ERI1: variants seen among roughly 807,000 people sequenced by gnomAD.
ERI1 encodes the protein 3'-5' exoribonuclease 1.
In ERI1, 39 loss-of-function variants were observed where a neutral mutation model predicts 39.7. That is an observed-to-expected ratio of 0.98 (90% confidence interval 0.76 to 1.28). The LOEUF (loss-of-function observed/expected upper bound fraction) is 1.28, where lower values mean the gene tolerates loss of function less well. Among genes scored for constraint, ERI1 ranks in the 50% most tolerant of loss-of-function variants. ERI1 has a pLI of 0.00. For synonymous variants in ERI1, 204 were observed against 149.6 expected (o/e 1.36, Z -2.65); for missense variants, 581 against 416.9 (o/e 1.39, Z -3.43).
chr8:9,008,304 AC>A (rs2117185838), intron 2 of ERI1, among the ~76,000 whole-genome samples, 156 bp downstream of exon 2: 1 of 152,192 alleles, frequency 6.6e-6, no homozygotes, highest in Admixed American at 6.5e-5. Context: ...TTTATGTGCA[AC>A]TCTGATTATT....
intron 3 of ERI1, among the ~76,000 whole-genome samples, chr8:9,039,983 A>T (rs1208954278): frequency 6.6e-6 from 1 of 152,192 alleles, no homozygotes; most frequent in Admixed American, 6.5e-5. Flanking sequence ...TCCAAGTACA[A>T]TTAAAATATT....
At chr8:9,091,071 A>T (rs1416818285) in intron 3 of ERI1, among the ~76,000 whole-genome samples, 1 of 152,204 alleles carries the variant, frequency 6.6e-6, no homozygotes, top group East Asian at 1.9e-4. Flanking sequence ...ATTAACACAT[A>T]TATGTTCCCC....
intron 3 of ERI1, among the ~76,000 whole-genome samples, chr8:9,046,879 AGC>A (rs1308458545): frequency 6.6e-6 from 1 of 152,168 alleles, no homozygotes; most frequent in African/African-American, 2.4e-5. Flanking sequence ...GGCACAGATG[AGC>A]TCCAGGCAGA....
intron 3 of ERI1, among the ~76,000 whole-genome samples, chr8:9,076,940 G>T (rs1219251987): frequency 1.3e-5 from 2 of 152,240 alleles, no homozygotes; most frequent in Non-Finnish European, 2.9e-5. Context: ...CCAGTGGAAG[G>T]TGAGGACATG....
chr8:9,064,612 A>G (rs1798809840), intron 3 of ERI1, among the ~76,000 whole-genome samples: 2 of 152,114 alleles, frequency 1.3e-5, no homozygotes, highest in African/African-American at 4.8e-5. Context: ...ATAGTGAGAG[A>G]GGTTGGAGAA....
At chr8:9,020,308 A>G (rs1469067715) in intron 5 of ERI1, 42 bp from the exon 6 acceptor site, 3 of 1,062,254 alleles carry the variant, frequency 2.8e-6, no homozygotes, top group Non-Finnish European at 4.1e-6. Flanking sequence ...AGAATAGCAT[A>G]GCGTTTATTT....
chr8:9,010,055 G>T (rs1359177025), intron 2 of ERI1, among the ~76,000 whole-genome samples: 2 of 152,190 alleles, frequency 1.3e-5, no homozygotes, highest in African/African-American at 4.8e-5. Context: ...GAAGTGTTGT[G>T]GTAATGGAGG....
intron 3 of ERI1, among the ~76,000 whole-genome samples, 161 bp from the exon 4 acceptor site, chr8:9,016,157 AAATT>A (rs1290991329): frequency 6.6e-6 from 1 of 152,222 alleles, no homozygotes; most frequent in African/African-American, 2.4e-5. Flanking sequence ...TTTAATTTAA[AAATT>A]AAGAGTGCTT....
intron 1 of ERI1, chr8:9,004,009 C>A (rs1325949114): frequency 1.8e-5 from 20 of 1,106,402 alleles, no homozygotes; most frequent in Non-Finnish European, 2.4e-5. Context: ...TGCTGCTCTG[C>A]GGGGTCGGGT....
chr8:9,070,933 G>C (rs1799027532), intron 3 of ERI1, among the ~76,000 whole-genome samples: 1 of 152,142 alleles, frequency 6.6e-6, no homozygotes, highest in Non-Finnish European at 1.5e-5. Flanking sequence ...TTGGGAGCTG[G>C]GACAGAGACT....
At chr8:9,003,230 T>A (rs1160609088) in intron 1 of ERI1, 59 bp downstream of exon 1, 1 of 1,054,928 alleles carries the variant, frequency 9.5e-7, no homozygotes, top group African/African-American at 1.6e-5. Context: ...CAAAGCGCCC[T>A]CGGCACCCCT....
Position 9,007,971 on chromosome 8 carries a change from A to C in ERI1, c.110A>C (p.Glu37Ala). ...TTTTTTTTTTTTTTTTTTTGGTAGG[A>C]AACTCAACAGTGTAAATTTGATGGC... Reference protein sequence around the residue: ...GEEPPRPSPEETQQCKFDGQE... With the variant: ...GEEPPRPSPEATQQCKFDGQE... The change falls in exon 2 of 7, where the codon GAA becomes GCA. Residue 37 changes from glutamate to alanine, a missense_variant and splice_region_variant. Coordinates refer to ENST00000250263, the MANE Select transcript of ERI1 (RefSeq NM_153332.4). The C allele has an allele frequency of 6.7e-7, 1 of 1,497,328 alleles. No homozygotes were observed. Among genetic ancestry groups the C allele is most frequent in the Non-Finnish European group, 8.8e-7 (1 of 1,132,144 alleles). 92.8% of individuals were successfully genotyped at this position (1,497,328 alleles called of 1,614,324 possible). A position where few individuals can be genotyped will look rare whatever the true frequency, so the allele number is the denominator to read the frequency against.
intron 3 of ERI1, among the ~76,000 whole-genome samples, chr8:9,059,243 G>T (rs898877882): frequency 3.9e-5 from 6 of 152,216 alleles, no homozygotes; most frequent in African/African-American, 1.4e-4. Context: ...AAGGCAGGAA[G>T]CGGCCATCTG....
At chr8:9,029,610 C>T (rs976673362) in intron 6 of ERI1, among the ~76,000 whole-genome samples, 182 bp from the exon 7 acceptor site, 2 of 152,152 alleles carry the variant, frequency 1.3e-5, no homozygotes, top group East Asian at 1.9e-4. Flanking sequence ...AGATTACAGG[C>T]GTGAGCCACC....
At chr8:9,029,543 C>T (rs918485335) in intron 6 of ERI1, among the ~76,000 whole-genome samples, 3 of 152,180 alleles carry the variant, frequency 2.0e-5, no homozygotes, top group South Asian at 2.1e-4. Context: ...GTTCGCCAGG[C>T]TGGTCTCATA....
At chr8:9,025,784 A>G (rs992479299) in intron 6 of ERI1, among the ~76,000 whole-genome samples, 1 of 151,956 alleles carries the variant, frequency 6.6e-6, no homozygotes, top group Non-Finnish European at 1.5e-5. Context: ...TGGGACCAGA[A>G]GAAATGTTTG....
chr8:9,010,724 G>C (rs1241132128), intron 2 of ERI1, among the ~76,000 whole-genome samples: 1 of 152,094 alleles, frequency 6.6e-6, no homozygotes, highest in Non-Finnish European at 1.5e-5. Flanking sequence ...CTGAATGCTG[G>C]TTGCAACTTA....
At chr8:9,075,260 C>T (rs73197723) in intron 3 of ERI1, among the ~76,000 whole-genome samples, 15 of 152,278 alleles carry the variant, frequency 9.9e-5, no homozygotes, top group Non-Finnish European at 1.8e-4. Context: ...AGGTGAAATG[C>T]GTTCCCACAC....
chr8:9,094,606 C>G (rs1034558422), intron 3 of ERI1, among the ~76,000 whole-genome samples: 5 of 152,176 alleles, frequency 3.3e-5, no homozygotes, highest in African/African-American at 1.2e-4. Flanking sequence ...AAGACCACAT[C>G]TCCTTTTCTC....
Sources: allele counts gnomAD v4.1 joint callset (sites outside exome capture counted in the v4.1 genomes callset), GRCh38; gene constraint gnomAD v4.1.1; transcripts MANE v1.5; gene names NCBI Gene and HGNC (gene_info 2026-07-23, HGNC 2026-07-21).